Variants in EGFR observed in about 807,000 individuals in gnomAD.
EGFR encodes avian erythroblastic leukemia viral (v-erb-b) oncogene homolog.
EGFR carries 58 observed loss-of-function variants against 143.0 expected under a neutral mutation model. That is an observed-to-expected ratio of 0.41 (90% CI 0.33 to 0.50). The LOEUF is 0.50. Ranked by LOEUF, EGFR falls within the 20% of genes least tolerant of loss-of-function variation. The probability of loss-of-function intolerance (pLI) is 0.39; values close to 1 mark genes in which losing one functional copy is unlikely to be tolerated. For synonymous variants in EGFR, 613 were observed against 594.4 expected (o/e 1.03, Z -0.45); for missense variants, 1,307 against 1,579.0 (o/e 0.83, Z 2.92).
At chr7:55,178,266 G>A (rs770699338) in intron 19 of EGFR, among the ~76,000 whole-genome samples, 1 of 152,256 alleles carries the variant, frequency 6.6e-6, no homozygotes, top group Non-Finnish European at 1.5e-5. Context: ...GACTCCGGGG[G>A]AGAGATGTGA....
chr7:55,160,078 T>C, intron 11 of EGFR, 61 bp from the exon 12 acceptor site: 1 of 1,586,072 alleles, frequency 6.3e-7, no homozygotes, highest in African/African-American at 1.3e-5. Context: ...GAAACAAAGT[T>C]TTCAGGGATA....
chr7:55,090,969 T>C (rs1020355431), intron 1 of EGFR, among the ~76,000 whole-genome samples: 4 of 152,214 alleles, frequency 2.6e-5, no homozygotes, highest in Admixed American at 1.3e-4. Flanking sequence ...TAAATGTGAC[T>C]TTGCTTTTTC....
At chr7:55,175,283 TA>T (rs1240278808) in intron 19 of EGFR, among the ~76,000 whole-genome samples, 1 of 152,220 alleles carries the variant, frequency 6.6e-6, no homozygotes, top group Non-Finnish European at 1.5e-5. Flanking sequence ...TGGCTTTTTT[TA>T]AAGGTGCCTA....
rs970191087 is a variant in EGFR at position 55,210,012 on chromosome 7, A to G, written c.*4395A>G. On this transcript the variant is annotated 3_prime_UTR_variant, in exon 28 of 28. Coordinates refer to ENST00000275493, the MANE Select transcript of EGFR (RefSeq NM_005228.5). ...GGTGAAGAAGAGAAGCATCGTTTTT[A>G]TATTTAGGAAATTTTAAAAGATGAT... 3 of 152,156 alleles carry G rather than the reference A, an allele frequency of 2.0e-5. No individual in the cohort carries two copies. The highest frequency in any genetic ancestry group is 4.4e-5 in the Non-Finnish European group (3 of 68,018). 9.4% of individuals were successfully genotyped at this position (152,156 alleles called of 1,614,324 possible).
chr7:55,150,927 G>C (rs1331162298), intron 4 of EGFR, among the ~76,000 whole-genome samples: 1 of 152,192 alleles, frequency 6.6e-6, no homozygotes, highest in East Asian at 1.9e-4. Flanking sequence ...GTGGGTCCAT[G>C]CCAAAGGCTC....
chr7:55,045,432 T>C (rs1270890643), intron 1 of EGFR, among the ~76,000 whole-genome samples: 1 of 152,236 alleles, frequency 6.6e-6, no homozygotes, highest in Non-Finnish European at 1.5e-5. Flanking sequence ...AGGTTTTTTG[T>C]TCTTAGTAAA....
intron 1 of EGFR, among the ~76,000 whole-genome samples, chr7:55,088,942 A>T (rs765196680): frequency 6.6e-6 from 1 of 152,224 alleles, no homozygotes; most frequent in Non-Finnish European, 1.5e-5. Context: ...CTTTGTAAAA[A>T]GTATAATGAT....
intron 12 of EGFR, 115 bp from the exon 13 acceptor site, chr7:55,161,384 T>A: frequency 7.1e-7 from 1 of 1,401,012 alleles, no homozygotes; most frequent in South Asian, 1.4e-5. Context: ...AGCCAGCATG[T>A]CTGTGTCACC....
intron 1 of EGFR, among the ~76,000 whole-genome samples, chr7:55,044,391 T>C (rs1186868511): frequency 6.6e-6 from 1 of 152,194 alleles, no homozygotes; most frequent in African/African-American, 2.4e-5. Flanking sequence ...TGAAATAATG[T>C]TGTTTGTGCC....
chr7:55,143,608 C>T (rs568678452), intron 3 of EGFR, 120 bp downstream of exon 3: 58 of 1,125,714 alleles, frequency 5.2e-5, no homozygotes, highest in South Asian at 8.1e-5. Flanking sequence ...ACCCAGTACA[C>T]GTGCACTGAG....
At chr7:55,161,448 C>T (rs1336407706) in intron 12 of EGFR, 51 bp from the exon 13 acceptor site, 1 of 1,591,412 alleles carries the variant, frequency 6.3e-7, no homozygotes, top group Admixed American at 1.7e-5. Context: ...CCTCCGGCCC[C>T]TCGGGTCCCT....
chr7:55,137,873 G>A (rs1045681402), intron 1 of EGFR, among the ~76,000 whole-genome samples: 9 of 152,158 alleles, frequency 5.9e-5, no homozygotes, highest in Admixed American at 1.3e-4. Context: ...TTAGGGTTTC[G>A]ATCATGACAG....
In EGFR at chr7:55,146,691, T is replaced by C. The variant is rs1405003117; in HGVS notation, c.510T>C (p.Ser170=). ...TCCAGTGGCGGGACATAGTCAGCAG[T>C]GACTTTCTCAGCAACATGTCGATGG... ...ESIQWRDIVS[S]DFLSNMSMDF... Residue 170 remains serine, a synonymous_variant, in exon 4 of 28, where the codon AGT becomes AGC. Coordinates refer to ENST00000275493, the MANE Select transcript of EGFR (RefSeq NM_005228.5). 1 of 1,614,082 alleles carries C rather than the reference T, an allele frequency of 6.2e-7. No individual in the cohort carries two copies. Among genetic ancestry groups the C allele is most frequent in the Admixed American group, 1.7e-5 (1 of 60,026 alleles).
chr7:55,110,743 T>C (rs1167742386), intron 1 of EGFR, among the ~76,000 whole-genome samples: 1 of 152,166 alleles, frequency 6.6e-6, no homozygotes, highest in African/African-American at 2.4e-5. Context: ...TTGGGACCGA[T>C]TTTAGCCCCG....
intron 4 of EGFR, among the ~76,000 whole-genome samples, chr7:55,148,823 C>T (rs1040203285): frequency 3.3e-5 from 5 of 151,804 alleles, no homozygotes; most frequent in African/African-American, 9.7e-5. Context: ...TATGGCTACA[C>T]GTTCCTGCTC....
chr7:55,061,231 T>C (rs925325913), intron 1 of EGFR, among the ~76,000 whole-genome samples: 5 of 152,262 alleles, frequency 3.3e-5, no homozygotes, highest in Middle Eastern at 3.4e-3. Context: ...CTGCCTTTTA[T>C]GTAAGATATG....
chr7:55,095,135 C>T (rs535679212), intron 1 of EGFR, among the ~76,000 whole-genome samples: 18 of 152,322 alleles, frequency 1.2e-4, no homozygotes, highest in African/African-American at 4.1e-4. Flanking sequence ...TCCTGCAGGG[C>T]TCTGGTCTAA....
chr7:55,127,069 C>T (rs980213775), intron 1 of EGFR, among the ~76,000 whole-genome samples: 2 of 152,186 alleles, frequency 1.3e-5, no homozygotes, highest in Non-Finnish European at 2.9e-5. Flanking sequence ...AATAAGAGCT[C>T]CTCTGACCCA....
In EGFR at chr7:55,205,898, G is replaced by GGAAA; in HGVS notation, c.*281_*282insGAAA. 1 of 378,578 alleles carries GGAAA rather than the reference G, an allele frequency of 2.6e-6. No homozygotes were observed. The allele number at this position is 378,578 out of a possible 1,614,324, so 23.5% of individuals were successfully genotyped here. ...ATTTATCTTTCAAAGAGGTATATTT[G>GGAAA]AAAAAAAAAAAAAGTATATGTGAGG... On this transcript the variant is annotated 3_prime_UTR_variant, in exon 28 of 28. Coordinates refer to ENST00000275493, the MANE Select transcript of EGFR (RefSeq NM_005228.5).
Sources: allele counts gnomAD v4.1 joint callset (sites outside exome capture counted in the v4.1 genomes callset), GRCh38; gene constraint gnomAD v4.1.1; transcripts MANE v1.5; gene names NCBI Gene and HGNC (gene_info 2026-07-23, HGNC 2026-07-21).